NOVA1: variants seen among roughly 807,000 people sequenced by gnomAD.
The protein encoded by NOVA1 is NOVA alternative splicing regulator 1, also known as RNA-binding protein Nova-1.
Under a neutral mutation model 38.0 loss-of-function variants are expected in NOVA1, and 7 were observed. The ratio of observed to expected loss-of-function variants is 0.18; its 90% CI spans 0.10 to 0.35. The LOEUF (loss-of-function observed/expected upper bound fraction) is 0.35. NOVA1 is among the 10% of genes least tolerant of loss of function. The pLI is 1.00. For missense variants in NOVA1, 460 were observed against 616.0 expected (o/e 0.75, Z 2.68); for synonymous variants, 270 against 232.5 (o/e 1.16, Z -1.47).
At chr14:26,555,200 A>C (rs1891405849) in intron 2 of NOVA1, among the ~76,000 whole-genome samples, 1 of 152,140 alleles carries the variant, frequency 6.6e-6, no homozygotes, top group Non-Finnish European at 1.5e-5. Context: ...GTTTAATAAC[A>C]GAATCTTCCC....
intron 2 of NOVA1, among the ~76,000 whole-genome samples, chr14:26,539,042 A>T (rs1454725630): frequency 6.6e-6 from 1 of 152,036 alleles, no homozygotes; most frequent in Non-Finnish European, 1.5e-5. Context: ...TCCTAGCTAA[A>T]ATATACCCCC....
chr14:26,562,715 T>C (rs927938042), intron 2 of NOVA1, among the ~76,000 whole-genome samples: 3 of 152,090 alleles, frequency 2.0e-5, no homozygotes, highest in Non-Finnish European at 4.4e-5. Flanking sequence ...ACAGCGATAA[T>C]GTTAGCGCTG....
At chr14:26,551,018 C>T (rs1891130529) in intron 2 of NOVA1, among the ~76,000 whole-genome samples, 1 of 151,784 alleles carries the variant, frequency 6.6e-6, no homozygotes, top group Non-Finnish European at 1.5e-5. Flanking sequence ...ATCTAGAGTC[C>T]ACATATGAAA....
At chr14:26,455,341 T>TACA (rs1883074245) in intron 4 of NOVA1, among the ~76,000 whole-genome samples, 1 of 152,142 alleles carries the variant, frequency 6.6e-6, no homozygotes, top group Non-Finnish European at 1.5e-5. Flanking sequence ...TAAAGCATAG[T>TACA]GTAGTATAAT....
At chr14:26,507,197 G>A (rs1245202) in intron 2 of NOVA1, among the ~76,000 whole-genome samples, 140,422 of 152,030 alleles carry the variant, frequency 0.92, 65,680 homozygotes, top group East Asian at 1. Context: ...TCCACTTAAC[G>A]CTCAGATAAA....
rs372992919 is a variant in NOVA1 at position 26,531,471 on chromosome 14, G to A, written c.281-51328C>T. 1.6e-3 allele frequency among the ~76,000 whole-genome samples: 248 copies of A among 152,238 alleles called. 5 individuals are homozygous for A. The South Asian group carries it at 0.05, about 30-fold the overall frequency. On this transcript the variant is annotated intron_variant, in intron 2 of 4. Coordinates refer to ENST00000539517, the MANE Select transcript of NOVA1 (RefSeq NM_002515.3). ...AAAAATACAAAATTAGCTGGGTGTG[G>A]TGGCACATGCCTGTAATCCCAGCTA...
At chr14:26,597,218 G>GGAGGGAGGGAGGACGGC (rs1172479302) in intron 1 of NOVA1, 83 bp downstream of exon 1, 43 of 1,133,728 alleles carry the variant, frequency 3.8e-5, no homozygotes, top group African/African-American at 3.7e-4. Context: ...AGGGAGGGAA[G>GGAGGGAGGGAGGACGGC]GAGGGAGGGA....
chr14:26,485,522 T>C (rs1358802095), intron 2 of NOVA1, among the ~76,000 whole-genome samples: 1 of 152,078 alleles, frequency 6.6e-6, no homozygotes, highest in Non-Finnish European at 1.5e-5. Flanking sequence ...ACTCTGAAAA[T>C]GAACTCTACC....
chr14:26,501,521 C>T (rs1887239775), intron 2 of NOVA1, among the ~76,000 whole-genome samples: 1 of 151,718 alleles, frequency 6.6e-6, no homozygotes. Context: ...AAGCAATCAA[C>T]AGATTTGTTT....
intron 2 of NOVA1, among the ~76,000 whole-genome samples, chr14:26,497,775 C>T (rs965556619): frequency 2.6e-5 from 4 of 152,034 alleles, no homozygotes; most frequent in Non-Finnish European, 5.9e-5. Flanking sequence ...ATCAAACTTC[C>T]TAATTAAACT....
At chr14:26,528,678 C>T (rs1889472318) in intron 2 of NOVA1, among the ~76,000 whole-genome samples, 2 of 152,156 alleles carry the variant, frequency 1.3e-5, no homozygotes, top group Admixed American at 1.3e-4. Flanking sequence ...CAACTGTTGA[C>T]CAATGAAGAA....
At chr14:26,577,291 A>AT (rs1892915414) in intron 2 of NOVA1, among the ~76,000 whole-genome samples, 3 of 152,148 alleles carry the variant, frequency 2.0e-5, no homozygotes, top group Admixed American at 1.3e-4. Context: ...TATAATGGAT[A>AT]TATCGATACT....
At chr14:26,490,919 G>A (rs1457869336) in intron 2 of NOVA1, among the ~76,000 whole-genome samples, 4 of 145,608 alleles carry the variant, frequency 2.7e-5, no homozygotes, top group Admixed American at 7.1e-5. Flanking sequence ...GCGCAATCTC[G>A]GCTCACTGCA....
rs566624531 is a variant in NOVA1, at chr14:26,547,546, G to C, written c.280+47864C>G. 2.0e-5 allele frequency among the ~76,000 whole-genome samples: 3 copies of C among 152,002 alleles called. No individual in the cohort carries two copies. In the South Asian group the frequency reaches 6.2e-4, roughly 32 times the overall value. ...GCCAAACTTCTATCATCTACATAAA[G>C]TCTAAAATATAAAAAATAACTTGTA... On this transcript the variant is annotated intron_variant, in intron 2 of 4. Transcript: ENST00000539517.
intron 2 of NOVA1, among the ~76,000 whole-genome samples, chr14:26,512,828 ACATAT>A (rs1295272863): frequency 2.6e-5 from 1 of 37,994 alleles, no homozygotes; most frequent in African/African-American, 4.9e-5. Context: ...CTTCCAATTT[ACATAT>A]CATAAGAGGT....
intron 2 of NOVA1, among the ~76,000 whole-genome samples, chr14:26,594,846 T>C (rs1751907225): frequency 6.6e-6 from 1 of 152,138 alleles, no homozygotes; most frequent in African/African-American, 2.4e-5. Flanking sequence ...ATTTTACTTC[T>C]TGCATAACAG....
chr14:26,561,649 C>G (rs1891833266), intron 2 of NOVA1, among the ~76,000 whole-genome samples: 1 of 152,088 alleles, frequency 6.6e-6, no homozygotes, highest in Admixed American at 6.5e-5. Context: ...CTGTATTGAA[C>G]ATAGTTTTTT....
intron 2 of NOVA1, among the ~76,000 whole-genome samples, chr14:26,493,246 T>C (rs988403878): frequency 2.0e-5 from 3 of 152,178 alleles, no homozygotes; most frequent in African/African-American, 7.2e-5. Context: ...AGACACCTGT[T>C]TGAGTACAGG....
intron 4 of NOVA1, among the ~76,000 whole-genome samples, chr14:26,466,692 A>C (rs902769994): frequency 2.0e-5 from 3 of 152,180 alleles, no homozygotes; most frequent in African/African-American, 7.2e-5. Context: ...CTTAATCCTC[A>C]ATGCAACAGT....
Sources: allele counts gnomAD v4.1 joint callset (sites outside exome capture counted in the v4.1 genomes callset), GRCh38; gene constraint gnomAD v4.1.1; transcripts MANE v1.5; gene names NCBI Gene and HGNC (gene_info 2026-07-23, HGNC 2026-07-21).